SDK2: variants seen among roughly 807,000 people sequenced by gnomAD.
SDK2 encodes the protein sidekick cell adhesion molecule 2, also known as protein sidekick-2.
SDK2 carries 105 observed loss-of-function variants against 253.9 expected under a neutral mutation model. That is an observed-to-expected ratio of 0.41 (90% CI 0.35 to 0.49). The LOEUF is 0.49. Ranked by LOEUF, SDK2 falls within the 20% of genes least tolerant of loss-of-function variation. The pLI, the probability that SDK2 is intolerant of heterozygous loss-of-function variation, is 0.06. For synonymous variants in SDK2, 1,249 were observed against 1,234.9 expected, an observed-to-expected ratio of 1.01 and a Z score of -0.24; for missense variants, 2,608 against 3,003.0, an observed-to-expected ratio of 0.87 and a Z score of 3.07.
chr17:73,566,191 C>G (rs146720077), intron 1 of SDK2, among the ~76,000 whole-genome samples: 2 of 152,318 alleles, frequency 1.3e-5, no homozygotes, highest in Non-Finnish European at 2.9e-5. Flanking sequence ...CCATCTGACA[C>G]ATCTGCTCTC....
chr17:73,564,250 G>A (rs1209372991), intron 1 of SDK2, among the ~76,000 whole-genome samples: 4 of 152,148 alleles, frequency 2.6e-5, no homozygotes, highest in Non-Finnish European at 5.9e-5. Flanking sequence ...TTTCTCAGTA[G>A]CACTGGCCAC....
chr17:73,571,017 G>A (rs1055051255), intron 1 of SDK2, among the ~76,000 whole-genome samples: 4 of 151,990 alleles, frequency 2.6e-5, no homozygotes, highest in African/African-American at 4.8e-5. Flanking sequence ...TCCAGAGAAC[G>A]AACTCTGGGC....
chr17:73,421,407 G>C (rs922418907), intron 15 of SDK2, among the ~76,000 whole-genome samples: 1 of 152,122 alleles, frequency 6.6e-6, no homozygotes. Flanking sequence ...CTTTGCGCAC[G>C]TGATTTGTAT....
chr17:73,462,475 T>C (rs970394310), intron 3 of SDK2, among the ~76,000 whole-genome samples: 8 of 152,062 alleles, frequency 5.3e-5, no homozygotes, highest in African/African-American at 1.9e-4. Flanking sequence ...TGTTTATATG[T>C]ATGCATATTT....
At chr17:73,607,661 C>T (rs1470723162) in intron 1 of SDK2, among the ~76,000 whole-genome samples, 1 of 152,110 alleles carries the variant, frequency 6.6e-6, no homozygotes, top group East Asian at 1.9e-4. Context: ...CAGATCTGCA[C>T]ACCCCAAGGT....
At chr17:73,613,632 T>A (rs991588659) in intron 1 of SDK2, among the ~76,000 whole-genome samples, 6 of 114,108 alleles carry the variant, frequency 5.3e-5, no homozygotes, top group Non-Finnish European at 6.8e-5. Context: ...CATATGCTCA[T>A]CCATCAGTCT....
At chr17:73,587,928 T>C (rs1016146809) in intron 1 of SDK2, among the ~76,000 whole-genome samples, 1 of 152,234 alleles carries the variant, frequency 6.6e-6, no homozygotes, top group African/African-American at 2.4e-5. Flanking sequence ...CTCCCTGTCC[T>C]GTTATCTGCT....
chr17:73,445,698 TGGCAGGCAGGCAGGCA>T (rs35240393), intron 5 of SDK2, among the ~76,000 whole-genome samples: 87 of 151,224 alleles, frequency 5.8e-4, no homozygotes, highest in Non-Finnish European at 1.6e-4. Flanking sequence ...ACAAATTGGT[TGGCAGGCAGGCAGGCA>T]GGCAGGCAGG....
chr17:73,469,244 G>A (rs542393986), intron 3 of SDK2, among the ~76,000 whole-genome samples: 1 of 152,294 alleles, frequency 6.6e-6, no homozygotes, highest in Admixed American at 6.5e-5. Flanking sequence ...CAACTCCCTG[G>A]ATCTCAGAAG....
chr17:73,607,466 A>G (rs374848264), intron 1 of SDK2, among the ~76,000 whole-genome samples: 1 of 152,180 alleles, frequency 6.6e-6, no homozygotes, highest in African/African-American at 2.4e-5. Flanking sequence ...GACCCTTAAG[A>G]CAAAGATTGC....
chr17:73,343,264 G>C (rs990037231), intron 44 of SDK2, among the ~76,000 whole-genome samples: 1 of 152,258 alleles, frequency 6.6e-6, no homozygotes, highest in Non-Finnish European at 1.5e-5. Flanking sequence ...GAGCCAAACA[G>C]AGCCCGCGCT....
At chr17:73,617,087 C>T (rs536323160) in intron 1 of SDK2, among the ~76,000 whole-genome samples, 1 of 152,152 alleles carries the variant, frequency 6.6e-6, no homozygotes, top group African/African-American at 2.4e-5. Context: ...GAGAGCTGAC[C>T]TCGCACTGAG....
intron 4 of SDK2, among the ~76,000 whole-genome samples, chr17:73,449,423 C>T (rs2063475871): frequency 6.6e-6 from 1 of 152,046 alleles, no homozygotes; most frequent in African/African-American, 2.4e-5. Flanking sequence ...TAAACATCCC[C>T]ACTAATGCTT....
rs1255083577 is a variant in SDK2 at position 73,481,896 on chromosome 17, A to G, written c.225-9678T>C. The stretch of plus-strand genomic sequence containing the variant: ...CTGGCCTCCATAACCACATGGGCCA[A>G]GTCCCATAACGAACCTCGTGCATCT... On this transcript the variant is annotated intron_variant, in intron 2 of 44. Transcript: ENST00000392650. This position sits in a 1 kb window ranked among gnomAD's most constrained non-coding sequence, Gnocchi z 4.5. 6.6e-6 allele frequency among the ~76,000 whole-genome samples: 1 copy of G among 152,192 alleles called. No homozygotes were observed. The highest frequency in any genetic ancestry group is 1.5e-5 in the Non-Finnish European group (1 of 68,040).
intron 18 of SDK2, among the ~76,000 whole-genome samples, chr17:73,410,974 T>C (rs2063121047): frequency 6.6e-6 from 1 of 152,208 alleles, no homozygotes; most frequent in Non-Finnish European, 1.5e-5. Flanking sequence ...ATATGTAGAA[T>C]AAAACTTGTG....
intron 43 of SDK2, among the ~76,000 whole-genome samples, chr17:73,349,181 G>A (rs1249101688): frequency 2.6e-5 from 4 of 152,162 alleles, no homozygotes; most frequent in East Asian, 1.9e-4. Context: ...CCAGCCTGGC[G>A]GGGCTGCTAT....
At chr17:73,373,664 TC>T (rs1193773058) in intron 36 of SDK2, among the ~76,000 whole-genome samples, 1 of 152,132 alleles carries the variant, frequency 6.6e-6, no homozygotes, top group Admixed American at 6.5e-5. Context: ...TCTTCTTTTT[TC>T]TTTTTTTTTG....
At chr17:73,362,256 T>C (rs910381260) in intron 38 of SDK2, among the ~76,000 whole-genome samples, 2 of 152,086 alleles carry the variant, frequency 1.3e-5, no homozygotes, top group African/African-American at 2.4e-5. Flanking sequence ...ATTATATCCT[T>C]TTTCAGGAAG....
intron 13 of SDK2, 24 bp downstream of exon 13, chr17:73,423,892 G>GGGA: frequency 6.5e-7 from 1 of 1,528,144 alleles, no homozygotes; most frequent in Admixed American, 2.0e-5. Flanking sequence ...CGCCTCTGCC[G>GGGA]GGGTCTGGGA....
Sources: gnomAD v4.1 joint callset for allele counts (sites outside exome capture counted in the v4.1 genomes callset) on GRCh38, gnomAD v4.1.1 for gene constraint, Gnocchi (gnomAD v3.1) non-coding constraint, MANE v1.5 for transcripts, NCBI Gene and HGNC (gene_info 2026-07-23, HGNC 2026-07-21) for gene names.